ZNF395: variants seen among roughly 807,000 people sequenced by gnomAD.
The protein encoded by ZNF395 is zinc finger protein 395.
A neutral mutation model predicts 57.7 loss-of-function variants in ZNF395; 20 were observed. The observed-to-expected ratio is 0.35, with a 90% CI of 0.24 to 0.50. The LOEUF is 0.50. ZNF395 is among the 20% of genes least tolerant of loss of function. ZNF395 has a pLI of 0.97. For synonymous variants in ZNF395, 295 were observed against 275.9 expected, an observed-to-expected ratio of 1.07 and a Z score of -0.69; for missense variants, 606 against 671.2, an observed-to-expected ratio of 0.90 and a Z score of 1.07.
rs752042287 is a variant in ZNF395, at chr8:28,356,655, G to A, written c.583+15C>T. 1 of 1,607,906 alleles carries A rather than the reference G, an allele frequency of 6.2e-7. No homozygotes were observed. The highest frequency in any genetic ancestry group is 1.7e-5 in the Admixed American group (1 of 59,888). On this transcript the variant is annotated intron_variant, in intron 4 of 9. Transcript: ENST00000344423. This position sits in a 1 kb window ranked among gnomAD's most constrained non-coding sequence, Gnocchi z 4.0. ...TCTACCATGCCCAGAACCCAGCTGG[G>A]CCCCGCTTGCTCACCAGAGAAGTTG...
At chr8:28,360,059 A>G (rs1472418299) in intron 2 of ZNF395, among the ~76,000 whole-genome samples, 1 of 152,228 alleles carries the variant, frequency 6.6e-6, no homozygotes, top group Non-Finnish European at 1.5e-5. Context: ...GGCAGACAGC[A>G]AACATGTCAG....
At chr8:28,354,283 C>T (rs998658499) in intron 4 of ZNF395, among the ~76,000 whole-genome samples, 3 of 152,184 alleles carry the variant, frequency 2.0e-5, no homozygotes, top group Non-Finnish European at 4.4e-5. Flanking sequence ...CCAACCCAGA[C>T]TCTCACTCCT....
chr8:28,357,191 A>G (rs1801791534), intron 3 of ZNF395, among the ~76,000 whole-genome samples: 1 of 152,210 alleles, frequency 6.6e-6, no homozygotes, highest in African/African-American at 2.4e-5. Context: ...GCCCACTGGA[A>G]TTCAAAAGCA....
intron 1 of ZNF395, among the ~76,000 whole-genome samples, chr8:28,364,728 G>GCAC (rs1260556745): frequency 6.6e-6 from 1 of 151,454 alleles, no homozygotes; most frequent in Non-Finnish European, 1.5e-5. Context: ...TCACACCACT[G>GCAC]CACTCCAGCC....
At chr8:28,385,565 TC>T in intron 1 of ZNF395, among the ~76,000 whole-genome samples, 1 of 150,000 alleles carries the variant, frequency 6.7e-6, no homozygotes, top group East Asian at 2.0e-4. Flanking sequence ...TGTCCCTCTG[TC>T]CCGCCCGTCC....
Position 28,349,234 on chromosome 8 carries a change from C to G in ZNF395, c.1327-6G>C, listed in dbSNP as rs375013174. The G allele has an allele frequency of 7.2e-6, 11 of 1,528,240 alleles. No individual in the cohort carries two copies. In the African/African-American group the frequency reaches 1.5e-4, roughly 21 times the overall value. The allele number at this position is 1,528,240 out of a possible 1,614,324, so 94.7% of individuals were successfully genotyped here. On this transcript the variant is annotated splice_region_variant and splice_polypyrimidine_tract_variant and intron_variant, in intron 8 of 9. Transcript: ENST00000344423. The stretch of plus-strand genomic sequence containing the variant: ...CTTAGCGACCGGCTCCGGACCTGGG[C>G]GTGGGGAGAGGGGCTGTGAGCACAG...
At chr8:28,378,127 C>G (rs188261523) in intron 1 of ZNF395, among the ~76,000 whole-genome samples, 1 of 152,158 alleles carries the variant, frequency 6.6e-6, no homozygotes, top group Non-Finnish European at 1.5e-5. Flanking sequence ...GGCCCCCCAC[C>G]ACCACCAACC....
intron 9 of ZNF395, 123 bp from the exon 10 acceptor site, chr8:28,348,953 C>T: frequency 8.3e-7 from 1 of 1,208,776 alleles, no homozygotes. Context: ...GTCACCAGGA[C>T]CAGGGGCCAG....
At chr8:28,354,818 G>A (rs2129948251) in intron 4 of ZNF395, among the ~76,000 whole-genome samples, 1 of 151,196 alleles carries the variant, frequency 6.6e-6, no homozygotes, top group African/African-American at 2.4e-5. Context: ...CCACTGATAG[G>A]AAAACGATCA....
At chr8:28,383,359 G>A (rs973891584) in intron 1 of ZNF395, among the ~76,000 whole-genome samples, 6 of 152,150 alleles carry the variant, frequency 3.9e-5, no homozygotes, top group Non-Finnish European at 5.9e-5. Flanking sequence ...CAGGGTGCCA[G>A]GCTCTGGTTG....
intron 1 of ZNF395, among the ~76,000 whole-genome samples, chr8:28,385,790 A>C (rs1802171059): frequency 6.8e-6 from 1 of 147,994 alleles, no homozygotes; most frequent in African/African-American, 2.4e-5. Context: ...GCGGAGGGCG[A>C]GGTAAACAAG....
At position 28,353,235 on chromosome 8, in the gene ZNF395, G is replaced by T. The variant is rs752312111; in HGVS notation, c.757C>A (p.His253Asn). 7 of 1,582,110 alleles carry T rather than the reference G, an allele frequency of 4.4e-6. No individual in the cohort carries two copies. In the South Asian group the frequency reaches 6.6e-5, roughly 15 times the overall value. ...GGGTCAGGATCGGTCTCAAAGCCATGATCAGTTTGGGGAGAACCAAAAGCA... is the reference window on the plus strand; with the variant it reads ...GGGTCAGGATCGGTCTCAAAGCCATTATCAGTTTGGGGAGAACCAAAAGCA... Reference protein sequence around the residue: ...GDAFGSPQTDHGFETDPDPFL... With the variant: ...GDAFGSPQTDNGFETDPDPFL... The change falls in exon 5 of 10, where the codon CAT (histidine) becomes AAT (asparagine). Residue 253 changes from histidine (H) to asparagine (N), a missense_variant. His to Asn is a moderately conservative substitution (Grantham distance 68, BLOSUM62 1). This residue lies in a region of ZNF395 where 309 missense variants were observed against 374.7 expected (regional missense o/e 0.82). Coordinates refer to ENST00000344423, the MANE Select transcript of ZNF395 (RefSeq NM_018660.3).
At chr8:28,355,125 T>C (rs1801764357) in intron 4 of ZNF395, among the ~76,000 whole-genome samples, 1 of 152,128 alleles carries the variant, frequency 6.6e-6, no homozygotes, top group African/African-American at 2.4e-5. Flanking sequence ...ACACTTTCTA[T>C]ACCATGAAAA....
rs144568975 is a variant in ZNF395, at chr8:28,381,396, T to C, written c.-59+4997A>G. Among the ~76,000 whole-genome samples the C allele has an allele frequency of 2.0e-3, 310 of 152,226 alleles. 3 individuals are homozygous for C. Among genetic ancestry groups the C allele is most frequent in the African/African-American group, 6.9e-3 (288 of 41,536 alleles). ...AGGGTCTCAACCATGTTGCCCAGGC[T>C]GGTCTCAAACTCCAGGGTCCAAGCA... On this transcript the variant is annotated intron_variant, in intron 1 of 9. Transcript: ENST00000344423.
At chr8:28,367,403 G>A (rs1013069219) in intron 1 of ZNF395, among the ~76,000 whole-genome samples, 12 of 152,170 alleles carry the variant, frequency 7.9e-5, no homozygotes, top group African/African-American at 2.9e-4. Context: ...TCCAGCAGAT[G>A]GGCCATAAAA....
intron 7 of ZNF395, among the ~76,000 whole-genome samples, chr8:28,350,863 G>A (rs994178234): frequency 1.3e-5 from 2 of 152,194 alleles, no homozygotes; most frequent in African/African-American, 2.4e-5. Flanking sequence ...TACATGCAGC[G>A]AAGACCATCC....
rs528076633 is a variant in ZNF395, at chr8:28,348,610, C to T, written c.*109G>A. ...ACCTTAGCCAACAGAGCCCAAACTCCGTGTTTCCGTTCTTTCTCTTTCGGT... is the reference window on the plus strand; with the variant it reads ...ACCTTAGCCAACAGAGCCCAAACTCTGTGTTTCCGTTCTTTCTCTTTCGGT... On this transcript the variant is annotated 3_prime_UTR_variant, in exon 10 of 10. Transcript: ENST00000344423. The T allele has an allele frequency of 1.7e-5, 16 of 963,196 alleles. No homozygotes were observed. Among genetic ancestry groups the T allele is most frequent in the Non-Finnish European group, 2.5e-5 (15 of 603,182 alleles). 59.7% of individuals were successfully genotyped at this position (963,196 alleles called of 1,614,324 possible).
At chr8:28,376,635 A>G (rs568589395) in intron 1 of ZNF395, among the ~76,000 whole-genome samples, 57 of 152,180 alleles carry the variant, frequency 3.7e-4, no homozygotes, top group Non-Finnish European at 6.8e-4. Context: ...CAAAAAAAAA[A>G]GGCATGTTAG....
intron 1 of ZNF395, among the ~76,000 whole-genome samples, chr8:28,380,413 C>T (rs1284642476): frequency 6.6e-6 from 1 of 152,196 alleles, no homozygotes; most frequent in Non-Finnish European, 1.5e-5. Context: ...CAATTCCTCT[C>T]ACTTCTGCGC....
Sources: allele counts gnomAD v4.1 joint callset (sites outside exome capture counted in the v4.1 genomes callset), GRCh38; gene constraint gnomAD v4.1.1; regional missense constraint gnomAD v4.1.1; non-coding constraint Gnocchi (gnomAD v3.1); transcripts MANE v1.5; gene names NCBI Gene and HGNC (gene_info 2026-07-23, HGNC 2026-07-21).